Variants in RANBP3 observed in about 807,000 individuals in gnomAD.
The protein encoded by RANBP3 is ran-binding protein 3.
RANBP3 carries 14 observed loss-of-function variants against 77.3 expected under a neutral mutation model. That is an observed-to-expected ratio of 0.18 (90% CI 0.12 to 0.28). The LOEUF (loss-of-function observed/expected upper bound fraction) is 0.28, where lower values mean the gene tolerates loss of function less well. Among genes scored for constraint, RANBP3 ranks in the 10% least tolerant of loss-of-function variants. The pLI, the probability that RANBP3 is intolerant of heterozygous loss-of-function variation, is 1.00. For missense variants in RANBP3, 586 were observed against 752.3 expected (o/e 0.78, Z 2.59); for synonymous variants, 315 against 312.4 (o/e 1.01, Z -0.09).
intron 5 of RANBP3, chr19:5,935,808 G>A (rs1380961643): frequency 6.6e-6 from 3 of 456,714 alleles, no homozygotes; most frequent in East Asian, 6.9e-5. Flanking sequence ...AAACAAGGGT[G>A]GTCTCTTCTC....
At chr19:5,949,633 C>T (rs2058250394) in intron 3 of RANBP3, among the ~76,000 whole-genome samples, 2 of 152,224 alleles carry the variant, frequency 1.3e-5, no homozygotes, top group South Asian at 4.1e-4. Context: ...TGCCCACAAG[C>T]TCATCCCAAG....
chr19:5,963,711 C>T (rs958143408), intron 1 of RANBP3, among the ~76,000 whole-genome samples: 1 of 152,164 alleles, frequency 6.6e-6, no homozygotes, highest in Non-Finnish European at 1.5e-5. Flanking sequence ...GGGGGAGATT[C>T]TGAGCCCCTC....
chr19:5,961,259 C>T (rs939014162), intron 1 of RANBP3, among the ~76,000 whole-genome samples: 9 of 150,326 alleles, frequency 6.0e-5, no homozygotes, highest in Non-Finnish European at 1.0e-4. Flanking sequence ...CTGGCTAACA[C>T]GGTGAAACCC....
Position 5,928,039 on chromosome 19 carries a change from C to G in RANBP3, c.742G>C (p.Ala248Pro). ...NESSNASEEE[A>P]CEKKDPATQQ... Reference sequence around the variant, plus strand: ...GTGGCGGGGTCTTTTTTCTCACAGGCTTCCTCTTCAGAGGCATTGCTGGAC... The same window carrying G: ...GTGGCGGGGTCTTTTTTCTCACAGGGTTCCTCTTCAGAGGCATTGCTGGAC... The change falls in exon 9 of 17, where the codon GCC becomes CCC. Residue 248 changes from alanine (A) to proline (P), a missense_variant. Around this residue, in one of 5 missense-constraint regions of RANBP3, gnomAD observed 232 missense variants for 271.7 expected, o/e 0.85. Coordinates refer to ENST00000340578, the MANE Select transcript of RANBP3 (RefSeq NM_007322.3). The G allele has an allele frequency of 6.2e-7, 1 of 1,613,966 alleles. No individual in the cohort carries two copies. Among genetic ancestry groups the G allele is most frequent in the African/African-American group, 1.3e-5 (1 of 75,022 alleles).
At chr19:5,922,268 C>G (rs2057831252) in intron 13 of RANBP3, among the ~76,000 whole-genome samples, 1 of 152,172 alleles carries the variant, frequency 6.6e-6, no homozygotes, top group Admixed American at 6.5e-5. Context: ...AAATACGAGA[C>G]AGACACCCCT....
chr19:5,971,568 A>G (rs2058530976), intron 1 of RANBP3, among the ~76,000 whole-genome samples: 1 of 152,230 alleles, frequency 6.6e-6, no homozygotes, highest in Non-Finnish European at 1.5e-5. Flanking sequence ...TAAGAGTGAA[A>G]AAAGAGCAGA....
At chr19:5,971,907 T>C (rs543742897) in intron 1 of RANBP3, among the ~76,000 whole-genome samples, 97 of 152,266 alleles carry the variant, frequency 6.4e-4, no homozygotes, top group African/African-American at 2.0e-3. Context: ...CAATATCCAA[T>C]CTAATCTATC....
At chr19:5,973,759 G>A (rs1301450223) in intron 1 of RANBP3, among the ~76,000 whole-genome samples, 3 of 152,240 alleles carry the variant, frequency 2.0e-5, no homozygotes, top group Non-Finnish European at 4.4e-5. Flanking sequence ...TGACCTGAGT[G>A]TTTATTACTA....
At chr19:5,923,388 T>C in intron 12 of RANBP3, 85 bp from the exon 13 acceptor site, 8 of 1,387,090 alleles carry the variant, frequency 5.8e-6, no homozygotes, top group Non-Finnish European at 8.1e-6. Context: ...GATGAGAGGG[T>C]TGGTTCTGGT....
Position 5,978,129 on chromosome 19 carries a change from C to T in RANBP3, c.-47G>A, listed in dbSNP as rs1418321429. The T allele has an allele frequency of 6.3e-7, 1 of 1,590,164 alleles. No individual in the cohort carries two copies. The highest frequency in any genetic ancestry group is 1.8e-5 in the Admixed American group (1 of 55,900). On this transcript the variant is annotated 5_prime_UTR_variant, in exon 1 of 17. Coordinates refer to ENST00000340578, the MANE Select transcript of RANBP3 (RefSeq NM_007322.3). ...ACAAGGCCCCGCGCCGGCCCAGGCT[C>T]GCCTGCTTTCTGCCAGAAACTCCCG...
intron 2 of RANBP3, among the ~76,000 whole-genome samples, chr19:5,956,822 C>G (rs773431477): frequency 9.9e-5 from 15 of 152,222 alleles, no homozygotes; most frequent in Non-Finnish European, 1.6e-4. Flanking sequence ...GGGAGCCGGT[C>G]ACCTGTGAGG....
intron 9 of RANBP3, among the ~76,000 whole-genome samples, chr19:5,926,891 C>T (rs1351309352): frequency 6.6e-6 from 1 of 152,190 alleles, no homozygotes; most frequent in Non-Finnish European, 1.5e-5. Context: ...GCAGAAAACA[C>T]AAGCCGGTGC....
At chr19:5,941,055 C>A (rs968181501) in intron 5 of RANBP3, among the ~76,000 whole-genome samples, 1 of 152,234 alleles carries the variant, frequency 6.6e-6, no homozygotes, top group South Asian at 2.1e-4. Context: ...CTCCACAGTC[C>A]GAGCCTGGCC....
intron 8 of RANBP3, among the ~76,000 whole-genome samples, chr19:5,929,165 G>C (rs2057953753): frequency 6.6e-6 from 1 of 152,232 alleles, no homozygotes; most frequent in Non-Finnish European, 1.5e-5. Flanking sequence ...GAAGTGAAAA[G>C]TGTAAATGTT....
Position 5,924,216 on chromosome 19 carries a change from GCA to G in RANBP3, c.997-304_997-303del. ...GCGTGGCCACGAAGGAAGAGAAGCT[GCA>G]GAGTACTTAATGCAGCCTAACTCCA... On this transcript the variant is annotated intron_variant, in intron 11 of 16. Coordinates refer to ENST00000340578, the MANE Select transcript of RANBP3 (RefSeq NM_007322.3). The surrounding 1 kb of genome is among the most constrained non-coding windows in gnomAD (Gnocchi z 4.7). Among the ~76,000 whole-genome samples the G allele has an allele frequency of 6.6e-6, 1 of 152,258 alleles. No homozygotes were observed. The highest frequency in any genetic ancestry group is 1.5e-5 in the Non-Finnish European group (1 of 68,048).
At chr19:5,941,900 G>C (rs1210263679) in intron 3 of RANBP3, 65 bp from the exon 4 acceptor site, 1 of 1,586,810 alleles carries the variant, frequency 6.3e-7, no homozygotes, top group Admixed American at 1.7e-5. Flanking sequence ...AGCAACTCTC[G>C]GGGCCGTAAC....
Position 5,924,688 on chromosome 19 carries a change from T to C in RANBP3, c.996+139A>G. 2.3e-6 allele frequency: 2 copies of C among 873,650 alleles called. No individual in the cohort carries two copies. 54.1% of individuals were successfully genotyped at this position (873,650 alleles called of 1,614,324 possible). On this transcript the variant is annotated intron_variant, in intron 11 of 16. Transcript: ENST00000340578. The surrounding 1 kb of genome is among the most constrained non-coding windows in gnomAD (Gnocchi z 4.7). The stretch of plus-strand genomic sequence containing the variant: ...TTTCAGGCTGAGTCTGAGCAGGGTC[T>C]TCCCTCTCTCACTTGCTACTGAAGG...
chr19:5,977,432 G>A lies in RANBP3; in HGVS notation c.22+629C>T, dbSNP rs948424028. 1.2e-4 allele frequency among the ~76,000 whole-genome samples: 18 copies of A among 152,162 alleles called. 1 individual carries two copies. The highest frequency in any genetic ancestry group is 9.8e-4 in the Admixed American group (15 of 15,288). ...GGCCAAAGAGCAGCCAGGGTTTTCGGCGGCCCAGATCCTGCGGCGGGGCCT... is the reference window on the plus strand; with the variant it reads ...GGCCAAAGAGCAGCCAGGGTTTTCGACGGCCCAGATCCTGCGGCGGGGCCT... On this transcript the variant is annotated intron_variant, in intron 1 of 16. Coordinates refer to ENST00000340578, the MANE Select transcript of RANBP3 (RefSeq NM_007322.3).
At position 5,968,975 on chromosome 19, in the gene RANBP3, T is replaced by TAA. The variant is rs140588131; in HGVS notation, c.22+9085_22+9086insTT. On this transcript the variant is annotated intron_variant, in intron 1 of 16. Transcript: ENST00000340578. ...AGGATGGTGGGAGAGAGTGAGTGAA[T>TAA]GGGTAAGGCCTCGCTGAAGCTCACA... Among the ~76,000 whole-genome samples the TAA allele has an allele frequency of 4.1e-3, 618 of 152,092 alleles. 11 individuals are homozygous for TAA. In the East Asian group the frequency reaches 0.065, roughly 16 times the overall value.
Sources: allele counts gnomAD v4.1 joint callset (sites outside exome capture counted in the v4.1 genomes callset), GRCh38; gene constraint gnomAD v4.1.1; regional missense constraint gnomAD v4.1.1; non-coding constraint Gnocchi (gnomAD v3.1); transcripts MANE v1.5; gene names NCBI Gene and HGNC (gene_info 2026-07-23, HGNC 2026-07-21).